PDE4B: variants seen among roughly 807,000 people sequenced by gnomAD.
PDE4B encodes 3',5'-cyclic-AMP phosphodiesterase 4B.
PDE4B carries 20 observed loss-of-function variants against 82.2 expected under a neutral mutation model. The ratio of observed to expected loss-of-function variants is 0.24; its 90% CI spans 0.17 to 0.35. The LOEUF (loss-of-function observed/expected upper bound fraction) is 0.35. Ranked by LOEUF, PDE4B falls within the 10% of genes least tolerant of loss-of-function variation. The pLI, the probability that PDE4B is intolerant of heterozygous loss-of-function variation, is 1.00. For synonymous variants in PDE4B, 320 were observed against 318.9 expected (o/e 1.00, Z -0.04); for missense variants, 655 against 907.2 (o/e 0.72, Z 3.57).
chr1:65,870,508 C>T lies in PDE4B; in HGVS notation c.-70-42737C>T, dbSNP rs12121598. Among the ~76,000 whole-genome samples, 1,211 of 152,138 alleles carry T rather than the reference C, an allele frequency of 8.0e-3. 12 individuals are homozygous for T. The highest frequency in any genetic ancestry group is 0.013 in the Non-Finnish European group (899 of 67,992). ...AAAATTATTGAGGTTTTTTTGAGGT[C>T]TCATTGTAAAAATGAGATAAAAACA... On this transcript the variant is annotated intron_variant, in intron 1 of 16. Coordinates refer to ENST00000341517, the MANE Select transcript of PDE4B (RefSeq NM_002600.4).
chr1:65,940,475 T>C (rs561849163), intron 3 of PDE4B, among the ~76,000 whole-genome samples: 166 of 152,294 alleles, frequency 1.1e-3, no homozygotes, highest in African/African-American at 3.9e-3. Context: ...AAAAATAATG[T>C]TTTGGTTATG....
chr1:65,871,536 A>T (rs1042312394), intron 1 of PDE4B, among the ~76,000 whole-genome samples: 3 of 152,268 alleles, frequency 2.0e-5, no homozygotes, highest in Non-Finnish European at 4.4e-5. Context: ...CATTATTGTT[A>T]GCATTGATGT....
intron 3 of PDE4B, among the ~76,000 whole-genome samples, chr1:66,167,771 A>C (rs1355335385): frequency 3.3e-5 from 5 of 152,210 alleles, no homozygotes; most frequent in African/African-American, 1.2e-4. Context: ...ATTAGCGTGA[A>C]TCATGTGGTG....
intron 7 of PDE4B, among the ~76,000 whole-genome samples, chr1:66,297,558 C>A (rs568393209): frequency 6.6e-6 from 1 of 152,200 alleles, no homozygotes; most frequent in East Asian, 1.9e-4. Context: ...CTCAAGAGAG[C>A]GGTTTTACCT....
At chr1:66,136,436 C>G (rs1484958352) in intron 3 of PDE4B, among the ~76,000 whole-genome samples, 1 of 152,184 alleles carries the variant, frequency 6.6e-6, no homozygotes, top group Non-Finnish European at 1.5e-5. Flanking sequence ...GGCACAGTGG[C>G]TCATGCCTGT....
intron 3 of PDE4B, among the ~76,000 whole-genome samples, chr1:66,233,189 T>C (rs957607293): frequency 1.3e-5 from 2 of 152,200 alleles, no homozygotes; most frequent in African/African-American, 4.8e-5. Context: ...TCACCATAGA[T>C]TGATTTTATT....
chr1:65,816,922 TA>T (rs987109090), intron 1 of PDE4B, among the ~76,000 whole-genome samples: 7 of 152,232 alleles, frequency 4.6e-5, no homozygotes, highest in Admixed American at 2.6e-4. Flanking sequence ...AACATATTTG[TA>T]AAAAAGTATT....
chr1:65,858,380 A>G (rs1379911384), intron 1 of PDE4B, among the ~76,000 whole-genome samples: 1 of 152,200 alleles, frequency 6.6e-6, no homozygotes, highest in African/African-American at 2.4e-5. Context: ...ACCATTGTAC[A>G]TACCTGATTT....
rs776707935 is a variant in PDE4B, at chr1:65,899,009, G to T, written c.-70-14236G>T. Among the ~76,000 whole-genome samples the T allele has an allele frequency of 5.5e-4, 84 of 151,964 alleles. 1 individual carries two copies. The highest frequency in any genetic ancestry group is 9.7e-4 in the Non-Finnish European group (66 of 67,958). On this transcript the variant is annotated intron_variant, in intron 1 of 16. Coordinates refer to ENST00000341517, the MANE Select transcript of PDE4B (RefSeq NM_002600.4). ...AGAGTTTTGCATGGCAAAAGGAACA[G>T]TCAGCAGAGTAAACAGAAAACCTGC...
chr1:66,186,651 T>C (rs1647224491), intron 3 of PDE4B, among the ~76,000 whole-genome samples: 1 of 152,196 alleles, frequency 6.6e-6, no homozygotes, highest in African/African-American at 2.4e-5. Context: ...TATTGGTGTA[T>C]AAGAATGCTT....
At chr1:65,799,464 A>C (rs1645670418) in intron 1 of PDE4B, among the ~76,000 whole-genome samples, 1 of 152,304 alleles carries the variant, frequency 6.6e-6, no homozygotes, top group Non-Finnish European at 1.5e-5. Context: ...TTGTTTGAAA[A>C]TCTGAGGGAC....
intron 1 of PDE4B, among the ~76,000 whole-genome samples, chr1:65,820,702 C>A (rs1274568784): frequency 6.6e-6 from 1 of 152,202 alleles, no homozygotes; most frequent in Non-Finnish European, 1.5e-5. Context: ...TTCCTTTCTT[C>A]ATCTACAAAG....
chr1:66,243,590 A>G (rs1426916502), intron 3 of PDE4B, among the ~76,000 whole-genome samples: 1 of 152,210 alleles, frequency 6.6e-6, no homozygotes, highest in Non-Finnish European at 1.5e-5. Context: ...CAGAGAGCGC[A>G]TACTCTGGGA....
chr1:65,874,643 A>G (rs952061155), intron 1 of PDE4B, among the ~76,000 whole-genome samples: 1 of 152,030 alleles, frequency 6.6e-6, no homozygotes, highest in Admixed American at 6.6e-5. Flanking sequence ...ATAACGCCGC[A>G]TACCTACAAC....
intron 3 of PDE4B, among the ~76,000 whole-genome samples, chr1:65,985,159 G>A (rs1650891788): frequency 6.6e-6 from 1 of 152,098 alleles, no homozygotes; most frequent in Non-Finnish European, 1.5e-5. Context: ...TTTCTACATT[G>A]ATATGTATTA....
At chr1:66,351,434 G>A (rs1011287038) in intron 8 of PDE4B, among the ~76,000 whole-genome samples, 4 of 152,110 alleles carry the variant, frequency 2.6e-5, no homozygotes, top group Non-Finnish European at 5.9e-5. Context: ...TTTTACCTTC[G>A]AGTCTGGATG....
chr1:66,056,990 T>A (rs946131841), intron 3 of PDE4B, among the ~76,000 whole-genome samples: 1 of 152,170 alleles, frequency 6.6e-6, no homozygotes, highest in Non-Finnish European at 1.5e-5. Context: ...AACTAATACA[T>A]GTGTACATTT....
At chr1:66,121,156 G>T (rs534908563) in intron 3 of PDE4B, among the ~76,000 whole-genome samples, 1 of 152,258 alleles carries the variant, frequency 6.6e-6, no homozygotes, top group Non-Finnish European at 1.5e-5. Flanking sequence ...ATGGAGTCAG[G>T]CAGGTAAAGG....
At chr1:66,064,118 C>T (rs1655721737) in intron 3 of PDE4B, among the ~76,000 whole-genome samples, 1 of 151,970 alleles carries the variant, frequency 6.6e-6, no homozygotes, top group South Asian at 2.1e-4. Flanking sequence ...TCATACACCT[C>T]AATATTACTT....
Sources: allele counts gnomAD v4.1 joint callset (sites outside exome capture counted in the v4.1 genomes callset), GRCh38; gene constraint gnomAD v4.1.1; transcripts MANE v1.5; gene names NCBI Gene and HGNC (gene_info 2026-07-23, HGNC 2026-07-21).